Variants in ADGRL2 observed in about 807,000 individuals in gnomAD.
ADGRL2 encodes calcium-independent alpha-latrotoxin receptor 2.
In ADGRL2, 44 loss-of-function variants were observed where a neutral mutation model predicts 157.4. The ratio of observed to expected loss-of-function variants is 0.28; its 90% CI spans 0.22 to 0.36. The LOEUF (loss-of-function observed/expected upper bound fraction) is 0.36, where lower values mean the gene tolerates loss of function less well. Ranked by LOEUF, ADGRL2 falls within the 10% of genes least tolerant of loss-of-function variation. The pLI, the probability that ADGRL2 is intolerant of heterozygous loss-of-function variation, is 1.00. For synonymous variants in ADGRL2, 585 were observed against 624.7 expected, an observed-to-expected ratio of 0.94 and a Z score of 0.95; for missense variants, 1,510 against 1,768.9, an observed-to-expected ratio of 0.85 and a Z score of 2.63.
chr1:81,823,847 A>C (rs1002575561), intron 1 of ADGRL2, among the ~76,000 whole-genome samples: 3 of 152,196 alleles, frequency 2.0e-5, no homozygotes, highest in African/African-American at 4.8e-5. Context: ...CCAAGAACAT[A>C]AGAGCAAATT....
chr1:81,689,181 C>T (rs1055322424), intron 3 of ADGRL2, among the ~76,000 whole-genome samples: 1 of 152,186 alleles, frequency 6.6e-6, no homozygotes, highest in African/African-American at 2.4e-5. Context: ...TGTCAGCTTT[C>T]CTCTTATAGT....
intron 1 of ADGRL2, among the ~76,000 whole-genome samples, chr1:81,331,908 G>T (rs560411639): frequency 1.7e-3 from 263 of 152,186 alleles, no homozygotes; most frequent in Non-Finnish European, 3.2e-3. Context: ...TTAAACAAAG[G>T]TGTTTAATTT....
chr1:81,969,782 A>T (rs1288004017), intron 15 of ADGRL2, among the ~76,000 whole-genome samples: 1 of 152,132 alleles, frequency 6.6e-6, no homozygotes, highest in Non-Finnish European at 1.5e-5. Context: ...AACAGAACTT[A>T]GTTAGTTAAT....
intron 1 of ADGRL2, among the ~76,000 whole-genome samples, chr1:81,382,297 C>A (rs1013438286): frequency 2.0e-5 from 3 of 152,010 alleles, no homozygotes; most frequent in Non-Finnish European, 2.9e-5. Context: ...TAAAAATCAC[C>A]CAGATTGAAC....
At chr1:81,838,981 A>G (rs2092420659) in intron 2 of ADGRL2, among the ~76,000 whole-genome samples, 1 of 151,880 alleles carries the variant, frequency 6.6e-6, no homozygotes, top group Non-Finnish European at 1.5e-5. Context: ...CTGTTAGAAC[A>G]TTGATCTAGT....
intron 2 of ADGRL2, among the ~76,000 whole-genome samples, chr1:81,568,723 A>T (rs1055400367): frequency 1.4e-4 from 22 of 152,290 alleles, no homozygotes; most frequent in African/African-American, 5.3e-4. Context: ...TTTGCTATTT[A>T]TCTTTTATTT....
chr1:81,698,208 A>G (rs985791026), upstream of ADGRL2, among the ~76,000 whole-genome samples: 8 of 152,190 alleles, frequency 5.3e-5, no homozygotes, highest in Non-Finnish European at 2.9e-5. Context: ...TCAGGAAGGT[A>G]TTGGTCAAAA....
At chr1:81,675,845 G>T (rs9660331) in intron 3 of ADGRL2, among the ~76,000 whole-genome samples, 38,041 of 151,904 alleles carry the variant, frequency 0.25, 4,755 homozygotes, top group Admixed American at 0.35. Context: ...CTCTCAAAGT[G>T]CTGGGATTAC....
At chr1:81,461,840 G>A (rs1571032721) in intron 2 of ADGRL2, among the ~76,000 whole-genome samples, 1 of 136,144 alleles carries the variant, frequency 7.3e-6, no homozygotes, top group African/African-American at 2.7e-5. Flanking sequence ...GGCATGAAAT[G>A]AAACAAATTT....
At chr1:81,532,977 A>C (rs530299595) in intron 2 of ADGRL2, among the ~76,000 whole-genome samples, 2,450 of 138,418 alleles carry the variant, frequency 0.018, 68 homozygotes, top group African/African-American at 0.057. Flanking sequence ...TCTATCATCT[A>C]TCTATCTATC....
intron 10 of ADGRL2, among the ~76,000 whole-genome samples, chr1:81,953,271 TTAATTGGAAAG>T (rs2149100307): frequency 6.6e-6 from 1 of 152,290 alleles, no homozygotes; most frequent in African/African-American, 2.4e-5. Context: ...AAATATCCTC[TTAATTGGAAAG>T]TAATTATGTA....
intron 3 of ADGRL2, among the ~76,000 whole-genome samples, chr1:81,650,158 C>T (rs947226092): frequency 6.6e-6 from 1 of 152,022 alleles, no homozygotes; most frequent in Non-Finnish European, 1.5e-5. Context: ...AAACTGGGAC[C>T]CTTTCTGTCT....
chr1:81,889,831 T>C (rs1222662526), intron 2 of ADGRL2, among the ~76,000 whole-genome samples: 2 of 152,278 alleles, frequency 1.3e-5, no homozygotes, highest in East Asian at 3.9e-4. Context: ...CTAATATTCA[T>C]TTACCATTTC....
intron 1 of ADGRL2, among the ~76,000 whole-genome samples, chr1:81,702,030 TGA>T (rs2083590525): frequency 6.6e-6 from 1 of 152,196 alleles, no homozygotes; most frequent in East Asian, 1.9e-4. Flanking sequence ...TTGTGTAAGA[TGA>T]AGGAAGCTAC....
At chr1:81,602,361 G>A (rs2081349126) in intron 3 of ADGRL2, among the ~76,000 whole-genome samples, 1 of 152,198 alleles carries the variant, frequency 6.6e-6, no homozygotes, top group African/African-American at 2.4e-5. Flanking sequence ...TTGGGAGGCT[G>A]AGGCAGGTAG....
intron 2 of ADGRL2, among the ~76,000 whole-genome samples, chr1:81,878,143 T>C (rs2093889929): frequency 6.6e-6 from 1 of 152,130 alleles, no homozygotes; most frequent in Non-Finnish European, 1.5e-5. Flanking sequence ...AGGGAAGCCA[T>C]AGCTTTCCAA....
chr1:81,466,942 C>T (rs1177926813), intron 2 of ADGRL2, among the ~76,000 whole-genome samples: 1 of 151,736 alleles, frequency 6.6e-6, no homozygotes, highest in African/African-American at 2.4e-5. Flanking sequence ...GAGATTTCTA[C>T]AAGGTAATTA....
chr1:81,704,331 G>A (rs2083665295), intron 1 of ADGRL2, among the ~76,000 whole-genome samples: 5 of 152,200 alleles, frequency 3.3e-5, no homozygotes, highest in Admixed American at 2.6e-4. Context: ...TGGCTAGTCC[G>A]GTTTTCCTGC....
At chr1:81,971,731 T>C (rs1658813158) in intron 16 of ADGRL2, 121 bp from the exon 17 acceptor site, 2 of 571,578 alleles carry the variant, frequency 3.5e-6, no homozygotes, top group African/African-American at 3.8e-5. Flanking sequence ...ACATGATAAA[T>C]GAATCTTCAA....
Sources: gnomAD v4.1 joint callset for allele counts (sites outside exome capture counted in the v4.1 genomes callset) on GRCh38, gnomAD v4.1.1 for gene constraint, MANE v1.5 for transcripts, NCBI Gene and HGNC (gene_info 2026-07-23, HGNC 2026-07-21) for gene names.